DENND4C: variants seen among roughly 807,000 people sequenced by gnomAD.
The protein encoded by DENND4C is DENN domain containing 4C, also known as DENN domain-containing protein 4C.
DENND4C carries 108 observed loss-of-function variants against 203.0 expected under a neutral mutation model. The ratio of observed to expected loss-of-function variants is 0.53; its 90% CI spans 0.46 to 0.62. The LOEUF (loss-of-function observed/expected upper bound fraction) is 0.62. Among genes scored for constraint, DENND4C ranks in the 20% least tolerant of loss-of-function variants. The probability of loss-of-function intolerance (pLI) is 0.00; values close to 1 mark genes in which losing one functional copy is unlikely to be tolerated. For synonymous variants in DENND4C, 871 were observed against 792.4 expected, an observed-to-expected ratio of 1.10 and a Z score of -1.67; for missense variants, 2,481 against 2,301.2, an observed-to-expected ratio of 1.08 and a Z score of -1.60.
At chr9:19,275,997 A>C (rs1010372465) in intron 1 of DENND4C, among the ~76,000 whole-genome samples, 161 bp from the exon 2 acceptor site, 4 of 152,156 alleles carry the variant, frequency 2.6e-5, no homozygotes, top group African/African-American at 9.7e-5. Flanking sequence ...GCTTTTACCA[A>C]CTGACAAGAT....
intron 1 of DENND4C, among the ~76,000 whole-genome samples, chr9:19,273,049 C>T (rs1832089463): frequency 6.7e-6 from 1 of 150,352 alleles, no homozygotes; most frequent in African/African-American, 2.5e-5. Context: ...CCCGGGTTCA[C>T]GCCATTCTCC....
intron 16 of DENND4C, 104 bp downstream of exon 16, chr9:19,328,266 G>C: frequency 8.7e-7 from 1 of 1,154,138 alleles, no homozygotes; most frequent in Admixed American, 2.6e-5. Flanking sequence ...ACCATTTGAA[G>C]ACTCACTTTG....
At chr9:19,272,806 C>T (rs540434392) in intron 1 of DENND4C, among the ~76,000 whole-genome samples, 24 of 152,118 alleles carry the variant, frequency 1.6e-4, no homozygotes, top group South Asian at 1.2e-3. Flanking sequence ...CTTGCTCTCT[C>T]GCCCAGGTTG....
At chr9:19,238,386 C>G (rs1487683777) in intron 1 of DENND4C, among the ~76,000 whole-genome samples, 2 of 151,238 alleles carry the variant, frequency 1.3e-5, no homozygotes, top group Admixed American at 6.6e-5. Context: ...CCAGCCTCTT[C>G]CTATTTCTAG....
At chr9:19,324,136 T>A (rs1222870129) in intron 12 of DENND4C, among the ~76,000 whole-genome samples, 1 of 152,068 alleles carries the variant, frequency 6.6e-6, no homozygotes, top group Non-Finnish European at 1.5e-5. Context: ...ATTGTGCACA[T>A]GCAAATATTT....
intron 30 of DENND4C, 114 bp downstream of exon 30, chr9:19,362,077 C>T (rs936950689): frequency 2.3e-5 from 13 of 577,168 alleles, no homozygotes; most frequent in Non-Finnish European, 4.0e-5. Flanking sequence ...AGTTGGAGAC[C>T]AGGCTGGCCA....
At chr9:19,243,942 C>T (rs1824427974) in intron 1 of DENND4C, among the ~76,000 whole-genome samples, 1 of 152,156 alleles carries the variant, frequency 6.6e-6, no homozygotes, top group Non-Finnish European at 1.5e-5. Flanking sequence ...TCCTGAGTAG[C>T]TGGGACTGTG....
chr9:19,293,265 A>G (rs1308474291), intron 5 of DENND4C, among the ~76,000 whole-genome samples: 1 of 152,214 alleles, frequency 6.6e-6, no homozygotes, highest in Admixed American at 6.5e-5. Flanking sequence ...GGGGATATCA[A>G]CATGTAAGCA....
At position 19,350,798 on chromosome 9, in the gene DENND4C, C is replaced by G. The variant is rs753431765; in HGVS notation, c.4414C>G (p.Pro1472Ala). 1.9e-6 allele frequency: 3 copies of G among 1,613,612 alleles called. No homozygotes were observed. Among genetic ancestry groups the G allele is most frequent in the Non-Finnish European group, 2.5e-6 (3 of 1,179,956 alleles). ...SPNTSISGLV[P>A]SELTQSNTSL... ...TAACACAAGTATCTCAGGGTTGGTC[C>G]CCAGTGAACTTACCCAGAGCAACAC... The change falls in exon 24 of 33, where the codon CCC becomes GCC. Residue 1472 changes from proline (P) to alanine (A), a missense_variant. Transcript: ENST00000434457.
At chr9:19,242,618 A>C (rs878918186) in intron 1 of DENND4C, among the ~76,000 whole-genome samples, 9 of 150,196 alleles carry the variant, frequency 6.0e-5, no homozygotes, top group African/African-American at 2.4e-5. Context: ...TAGCTATTCT[A>C]ATAGGTGTGG....
chr9:19,251,790 A>G (rs570573614), intron 1 of DENND4C, among the ~76,000 whole-genome samples: 4 of 152,324 alleles, frequency 2.6e-5, no homozygotes, highest in Non-Finnish European at 5.9e-5. Context: ...CCTTTGCTCC[A>G]GTTTCCAACA....
chr9:19,264,122 T>C (rs1388762432), intron 1 of DENND4C, among the ~76,000 whole-genome samples: 1 of 152,188 alleles, frequency 6.6e-6, no homozygotes, highest in African/African-American at 2.4e-5. Context: ...GTGAAGCCAT[T>C]AGGTCCTGGG....
At chr9:19,275,525 AAGTGGAGCAATCTCCGCTCACTGCAGC>A (rs1362631977) in intron 1 of DENND4C, among the ~76,000 whole-genome samples, 2 of 150,870 alleles carry the variant, frequency 1.3e-5, no homozygotes, top group African/African-American at 4.9e-5. Context: ...GGCTGAGGTG[AAGTGGAGCAATCTCCGCTCACTGCAGC>A]TTCTGCCCCC....
intron 20 of DENND4C, among the ~76,000 whole-genome samples, chr9:19,337,205 A>G (rs191941106): frequency 7.2e-4 from 109 of 152,352 alleles, no homozygotes; most frequent in African/African-American, 2.6e-3. Flanking sequence ...ATGAATATTA[A>G]AGAGGGAAGG....
intron 23 of DENND4C, among the ~76,000 whole-genome samples, chr9:19,349,995 T>C (rs1160590859): frequency 3.3e-5 from 5 of 152,222 alleles, no homozygotes; most frequent in Non-Finnish European, 7.3e-5. Context: ...TGCTTATCTG[T>C]ATTTAATTTT....
chr9:19,334,674 C>T (rs532100006), intron 17 of DENND4C, among the ~76,000 whole-genome samples: 2 of 151,858 alleles, frequency 1.3e-5, no homozygotes, highest in Non-Finnish European at 2.9e-5. Flanking sequence ...TACAGGTATG[C>T]ACCACCATGC....
intron 1 of DENND4C, among the ~76,000 whole-genome samples, chr9:19,272,074 A>G (rs577122995): frequency 9.8e-4 from 149 of 152,244 alleles, no homozygotes; most frequent in African/African-American, 3.5e-3. Flanking sequence ...GAACAAAGGT[A>G]TGAAATCATT....
chr9:19,352,090 A>G lies in DENND4C; in HGVS notation c.4513A>G (p.Arg1505Gly), dbSNP rs1824276088. Residue 1505 changes from arginine (R) to glycine (G), a missense_variant, in exon 25 of 33, where the codon AGA (arginine) becomes GGA (glycine). Arg to Gly is a moderately radical substitution (Grantham distance 125). This residue lies in a region of DENND4C where 2,289 missense variants were observed against 2,113.3 expected (regional missense o/e 1.08). Coordinates refer to ENST00000434457, the MANE Select transcript of DENND4C (RefSeq NM_001330640.2). ...HYPTGEVPFP[R>G]GMKGQDFEKS... ...CTTTGTAGGTGAAGTTCCATTTCCA[A>G]GAGGCATGAAAGGGCAAGACTTTGA... is the stretch of plus-strand genomic sequence containing the variant. 1 of 1,613,728 alleles carries G rather than the reference A, an allele frequency of 6.2e-7. No individual in the cohort carries two copies. The highest frequency in any genetic ancestry group is 1.3e-5 in the African/African-American group (1 of 74,920).
chr9:19,333,577 A>C (rs186869020), intron 17 of DENND4C, among the ~76,000 whole-genome samples: 8 of 152,330 alleles, frequency 5.3e-5, no homozygotes, highest in Admixed American at 5.2e-4. Context: ...AATAGTTAGC[A>C]CCTTCATCAT....
Sources: allele counts gnomAD v4.1 joint callset (sites outside exome capture counted in the v4.1 genomes callset), GRCh38; gene constraint gnomAD v4.1.1; regional missense constraint gnomAD v4.1.1; transcripts MANE v1.5; gene names NCBI Gene and HGNC (gene_info 2026-07-23, HGNC 2026-07-21).